DISC1: variants seen among roughly 807,000 people sequenced by gnomAD.
DISC1 encodes disrupted in schizophrenia 1 protein.
A neutral mutation model predicts 84.5 loss-of-function variants in DISC1; 57 were observed. The ratio of observed to expected loss-of-function variants is 0.67; its 90% CI spans 0.55 to 0.84. DISC1 has a LOEUF of 0.84. Ranked by LOEUF, DISC1 falls within the 40% of genes least tolerant of loss-of-function variation. DISC1 has a pLI of 0.00. For synonymous variants in DISC1, 411 were observed against 415.2 expected (o/e 0.99, Z 0.12); for missense variants, 1,000 against 1,057.8 (o/e 0.95, Z 0.76).
chr1:231,879,721 G>A (rs945140256), intron 9 of DISC1, among the ~76,000 whole-genome samples: 1 of 152,036 alleles, frequency 6.6e-6, no homozygotes, highest in Non-Finnish European at 1.5e-5. Flanking sequence ...GAATGACCCT[G>A]TTCAAGACAT....
At chr1:231,681,833 T>C (rs1225269294) in intron 1 of DISC1, among the ~76,000 whole-genome samples, 2 of 152,044 alleles carry the variant, frequency 1.3e-5, no homozygotes, top group Non-Finnish European at 2.9e-5. Context: ...GTAGCTAGGA[T>C]TACAAGTGCC....
chr1:231,811,972 A>C (rs1466598153), intron 8 of DISC1, among the ~76,000 whole-genome samples: 1 of 152,182 alleles, frequency 6.6e-6, no homozygotes, highest in Non-Finnish European at 1.5e-5. Flanking sequence ...AGAGCATTGT[A>C]GTCTCTAAAA....
At chr1:231,849,116 A>T (rs978638313) in intron 9 of DISC1, among the ~76,000 whole-genome samples, 13 of 107,972 alleles carry the variant, frequency 1.2e-4, no homozygotes, top group East Asian at 2.9e-4. Flanking sequence ...TGGAATTATT[A>T]TCCTCATTTT....
intron 9 of DISC1, among the ~76,000 whole-genome samples, chr1:231,906,684 T>G (rs1207321062): frequency 6.6e-6 from 1 of 152,136 alleles, no homozygotes; most frequent in Admixed American, 6.5e-5. Flanking sequence ...CTAAAGCCGT[T>G]CAGGTTAGAG....
At chr1:231,772,467 T>G (rs929873977) in intron 6 of DISC1, among the ~76,000 whole-genome samples, 3 of 152,098 alleles carry the variant, frequency 2.0e-5, no homozygotes, top group East Asian at 3.8e-4. Context: ...CCTGTAGTGG[T>G]TGAGAATACG....
chr1:231,635,756 C>G (rs1479446642), intron 1 of DISC1, among the ~76,000 whole-genome samples: 1 of 152,116 alleles, frequency 6.6e-6, no homozygotes, highest in Non-Finnish European at 1.5e-5. Context: ...TATTGAGATG[C>G]ATACACTATA....
intron 9 of DISC1, among the ~76,000 whole-genome samples, chr1:231,932,085 T>C (rs1204515495): frequency 6.6e-6 from 1 of 152,188 alleles, no homozygotes; most frequent in African/African-American, 2.4e-5. Flanking sequence ...TAACTCAGTG[T>C]CAGGACTTTG....
At chr1:231,714,526 C>A (rs1388245164) in intron 3 of DISC1, among the ~76,000 whole-genome samples, 3 of 151,780 alleles carry the variant, frequency 2.0e-5, no homozygotes, top group East Asian at 3.9e-4. Context: ...TTCAGCAATT[C>A]TACTCACAGA....
intron 4 of DISC1, 90 bp downstream of exon 4, chr1:231,750,166 G>A (rs2074457773): frequency 6.6e-7 from 1 of 1,517,958 alleles, no homozygotes; most frequent in African/African-American, 1.4e-5. Flanking sequence ...GAGCTTAGCT[G>A]TAGAGACCCT....
At chr1:231,843,685 C>T (rs2083244113) in intron 9 of DISC1, among the ~76,000 whole-genome samples, 1 of 152,046 alleles carries the variant, frequency 6.6e-6, no homozygotes, top group Non-Finnish European at 1.5e-5. Flanking sequence ...TGCAGGTGGT[C>T]ATGAGGGAGG....
At chr1:231,882,806 C>T (rs1361195003) in intron 9 of DISC1, among the ~76,000 whole-genome samples, 1 of 151,926 alleles carries the variant, frequency 6.6e-6, no homozygotes, top group Non-Finnish European at 1.5e-5. Context: ...TAGGTGTGAA[C>T]GTGGAATGGC....
chr1:231,956,373 G>A (rs958064393), intron 9 of DISC1, among the ~76,000 whole-genome samples: 2 of 152,074 alleles, frequency 1.3e-5, no homozygotes, highest in Non-Finnish European at 2.9e-5. Flanking sequence ...TGTTATAGGG[G>A]TGTCAGCCAT....
At chr1:231,878,829 A>G (rs147863626) in intron 9 of DISC1, among the ~76,000 whole-genome samples, 372 of 152,302 alleles carry the variant, frequency 2.4e-3, no homozygotes, top group African/African-American at 8.4e-3. Context: ...ACTGGTAACA[A>G]CACTAGGTTA....
intron 9 of DISC1, among the ~76,000 whole-genome samples, chr1:231,856,984 A>G (rs2084317898): frequency 6.6e-6 from 1 of 152,232 alleles, no homozygotes; most frequent in East Asian, 1.9e-4. Flanking sequence ...AAACATCCAC[A>G]GCGAGGTGCT....
chr1:231,849,930 G>A (rs1162481147), intron 9 of DISC1, among the ~76,000 whole-genome samples: 2 of 152,164 alleles, frequency 1.3e-5, no homozygotes, highest in Non-Finnish European at 2.9e-5. Context: ...GCATTCAGTG[G>A]TTTGATTTGA....
intron 1 of DISC1, among the ~76,000 whole-genome samples, chr1:231,658,616 G>A (rs1280325339): frequency 2.0e-5 from 3 of 152,156 alleles, no homozygotes; most frequent in Admixed American, 6.5e-5. Flanking sequence ...CTGTGGGTTT[G>A]TCATATATGG....
chr1:231,700,319 A>G (rs2066257474), intron 2 of DISC1, among the ~76,000 whole-genome samples: 1 of 152,214 alleles, frequency 6.6e-6, no homozygotes, highest in African/African-American at 2.4e-5. Flanking sequence ...CAAGATGAAG[A>G]TGATCCACTT....
chr1:231,752,620 A>G (rs1377049274), intron 4 of DISC1, among the ~76,000 whole-genome samples: 1 of 152,082 alleles, frequency 6.6e-6, no homozygotes, highest in African/African-American at 2.4e-5. Context: ...GTTCTCCCCA[A>G]ATCTCATGTT....
intron 6 of DISC1, among the ~76,000 whole-genome samples, chr1:231,792,389 AG>A (rs2078415214): frequency 6.6e-6 from 1 of 152,134 alleles, no homozygotes; most frequent in Non-Finnish European, 1.5e-5. Flanking sequence ...CATTAGCTAA[AG>A]GCACTGCTGT....
Sources: allele counts gnomAD v4.1 joint callset (sites outside exome capture counted in the v4.1 genomes callset), GRCh38; gene constraint gnomAD v4.1.1; transcripts MANE v1.5; gene names NCBI Gene and HGNC (gene_info 2026-07-23, HGNC 2026-07-21).